The following CLCA1 variants were observed in gnomAD, a reference collection of about 807,000 sequenced individuals.
The protein encoded by CLCA1 is calcium-activated chloride channel regulator 1.
Under a neutral mutation model 85.6 loss-of-function variants are expected in CLCA1, and 59 were observed. The observed-to-expected ratio is 0.69, with a 90% CI of 0.56 to 0.86. The LOEUF (loss-of-function observed/expected upper bound fraction) is 0.86. Ranked by LOEUF, CLCA1 falls within the 40% of genes least tolerant of loss-of-function variation. CLCA1 has a pLI of 0.00. For synonymous variants in CLCA1, 396 were observed against 398.3 expected (o/e 0.99, Z 0.07); for missense variants, 1,022 against 1,101.4 (o/e 0.93, Z 1.02).
Position 86,500,051 on chromosome 1 carries a change from A to G in CLCA1, c.*6A>G. 6.5e-7 allele frequency: 1 copy of G among 1,550,004 alleles called. No individual in the cohort carries two copies. The highest frequency in any genetic ancestry group is 2.3e-5 in the East Asian group (1 of 44,242). On this transcript the variant is annotated 3_prime_UTR_variant, in exon 14 of 14. Coordinates refer to ENST00000394711, the MANE Select transcript of CLCA1 (RefSeq NM_001285.4). Reference sequence around the variant, plus strand: ...TGCAGCTGTCAATAGCCTAGGGCTGAATTTTTGTCAGATAAATAAAATAAA... The same window carrying G: ...TGCAGCTGTCAATAGCCTAGGGCTGGATTTTTGTCAGATAAATAAAATAAA...
At chr1:86,480,862 G>T (rs1315112377) in intron 4 of CLCA1, among the ~76,000 whole-genome samples, 1 of 152,082 alleles carries the variant, frequency 6.6e-6, no homozygotes, top group African/African-American at 2.4e-5. Flanking sequence ...TTGATCCTGT[G>T]ATTTCATGTT....
chr1:86,469,180 T>C (rs189550563), intron 1 of CLCA1, 47 bp downstream of exon 1: 20 of 1,427,590 alleles, frequency 1.4e-5, no homozygotes, highest in Admixed American at 5.7e-5. Context: ...TAGCATAATG[T>C]TGTGATAGAG....
intron 13 of CLCA1, 106 bp downstream of exon 13, chr1:86,498,917 G>A (rs1178434598): frequency 8.6e-6 from 11 of 1,272,068 alleles, no homozygotes; most frequent in Non-Finnish European, 1.2e-5. Flanking sequence ...GGGGCAGAAG[G>A]CAGGAGGGAT....
intron 12 of CLCA1, among the ~76,000 whole-genome samples, chr1:86,496,741 A>AT (rs961072114): frequency 2.9e-4 from 43 of 147,516 alleles, no homozygotes; most frequent in East Asian, 5.9e-4. Flanking sequence ...ATACCACTGC[A>AT]TTTTTTTTTT....
intron 4 of CLCA1, among the ~76,000 whole-genome samples, chr1:86,480,990 G>C (rs1307912450): frequency 6.6e-6 from 1 of 152,098 alleles, no homozygotes; most frequent in African/African-American, 2.4e-5. Context: ...TGGAAATACA[G>C]TCAAAATTGG....
chr1:86,482,360 T>C lies in CLCA1; in HGVS notation c.713T>C (p.Met238Thr), dbSNP rs776315129. The change falls in exon 5 of 14, where the codon ATG (methionine) becomes ACG (threonine). Residue 238 changes from methionine to threonine, a missense_variant. Physicochemically the swap from Met to Thr is moderately conservative, Grantham distance 81 (BLOSUM62 -1). Transcript: ENST00000394711. ...QSRQTEKASI[M>T]FAQHVDSIVE... ...CGCCAGACGGAGAAGGCTTCTATAA[T>C]GTTTGCACAACATGTTGATTCTGTA... 3 of 1,614,066 alleles carry C rather than the reference T, an allele frequency of 1.9e-6. No individual in the cohort carries two copies. Among genetic ancestry groups the C allele is most frequent in the South Asian group, 2.2e-5 (2 of 91,038 alleles).
rs1338567967 is a variant in CLCA1 at position 86,500,259 on chromosome 1, A to G, written c.*214A>G. 4.6e-6 allele frequency: 2 copies of G among 432,648 alleles called. No individual in the cohort carries two copies. The highest frequency in any genetic ancestry group is 8.2e-6 in the Non-Finnish European group (2 of 243,848). 26.8% of individuals were successfully genotyped at this position (432,648 alleles called of 1,614,324 possible). ...AAAATAAAATGCTAAACAACTGGGT[A>G]TACATGCATAAAAACTATCCATTCA... On this transcript the variant is annotated 3_prime_UTR_variant, in exon 14 of 14. Transcript: ENST00000394711.
Position 86,485,347 on chromosome 1 carries a change from T to G in CLCA1, c.740T>G (p.Val247Gly), listed in dbSNP as rs1647933334. 3 of 1,610,862 alleles carry G rather than the reference T, an allele frequency of 1.9e-6. No individual in the cohort carries two copies. In the East Asian group the frequency reaches 6.7e-5, roughly 36 times the overall value. ...TAATTTCATTGACAATTTCAGATAG[T>G]TGAATTCTGTACAGAACAAAACCAC... ...IMFAQHVDSI[V>G]EFCTEQNHNK... Residue 247 changes from valine (V) to glycine (G), a missense_variant, in exon 6 of 14, where the codon GTT becomes GGT. Transcript: ENST00000394711.
rs765400348 is a variant in CLCA1 at position 86,495,628 on chromosome 1, T to C, written c.2066T>C (p.Ile689Thr). ...GGVNAARRRVIPQQSGALYIP... is the reference protein window; with the variant it reads ...GGVNAARRRVTPQQSGALYIP... Reference sequence around the variant, plus strand: ...GTTAACGCAGCCAGACGGAGAGTGATACCCCAGCAGAGTGGAGCACTGTAC... The same window carrying C: ...GTTAACGCAGCCAGACGGAGAGTGACACCCCAGCAGAGTGGAGCACTGTAC... Residue 689 changes from isoleucine to threonine, a missense_variant, in exon 12 of 14, where the codon ATA becomes ACA. Transcript: ENST00000394711. 18 of 1,614,136 alleles carry C rather than the reference T, an allele frequency of 1.1e-5. No homozygotes were observed. The highest frequency in any genetic ancestry group is 1.2e-5 in the Non-Finnish European group (14 of 1,180,000).
intron 10 of CLCA1, 75 bp downstream of exon 10, chr1:86,493,674 T>C: frequency 8.5e-7 from 1 of 1,177,972 alleles, no homozygotes; most frequent in South Asian, 1.4e-5. Context: ...ATTGTAGCAT[T>C]TTAAATGTTG....
In CLCA1 at chr1:86,489,002, A is replaced by C; in HGVS notation, c.1189A>C (p.Arg397=). The C allele has an allele frequency of 6.2e-7, 1 of 1,613,732 alleles. No homozygotes were observed. The highest frequency in any genetic ancestry group is 8.5e-7 in the Non-Finnish European group (1 of 1,179,716). Residue 397 remains arginine, a synonymous_variant, in exon 8 of 14, where the codon AGG becomes CGG. Coordinates refer to ENST00000394711, the MANE Select transcript of CLCA1 (RefSeq NM_001285.4). ...CCCTAAATTCTGTCCTTAGGTGATT[A>C]GGAAGAAATATCCAACTGATGGATC... The part of the protein sequence containing the change: ...SGLRSAFTVI[R]KKYPTDGSEI...
intron 1 of CLCA1, among the ~76,000 whole-genome samples, chr1:86,472,999 G>A (rs183876635): frequency 2.6e-5 from 4 of 152,302 alleles, no homozygotes; most frequent in Middle Eastern, 3.4e-3. Context: ...GAAACGCATA[G>A]CTAATATTTT....
chr1:86,473,363 ATAATT>A, intron 1 of CLCA1, 49 bp from the exon 2 acceptor site: 1 of 1,243,074 alleles, frequency 8.0e-7, no homozygotes, highest in Non-Finnish European at 1.1e-6. Context: ...TGAATGACTG[ATAATT>A]TAATTTATTT....
intron 13 of CLCA1, 119 bp from the exon 14 acceptor site, chr1:86,499,535 T>C: frequency 1.6e-6 from 1 of 642,078 alleles, no homozygotes; most frequent in Middle Eastern, 4.3e-4. Context: ...CCTTATGGGG[T>C]GATGATATAA....
Position 86,489,018 on chromosome 1 carries a change from C to A in CLCA1, c.1205C>A (p.Thr402Asn), listed in dbSNP as rs1553188049. Residue 402 changes from threonine to asparagine, a missense_variant, in exon 8 of 14, where the codon ACT (threonine) becomes AAT (asparagine). Transcript: ENST00000394711. ...AFTVIRKKYPTDGSEIVLLTD... is the reference protein window; with the variant it reads ...AFTVIRKKYPNDGSEIVLLTD... Reference sequence around the variant, plus strand: ...TAGGTGATTAGGAAGAAATATCCAACTGATGGATCTGAAATTGTGCTGCTG... The same window carrying A: ...TAGGTGATTAGGAAGAAATATCCAAATGATGGATCTGAAATTGTGCTGCTG... 7 of 1,613,888 alleles carry A rather than the reference C, an allele frequency of 4.3e-6. No homozygotes were observed. The highest frequency in any genetic ancestry group is 5.1e-6 in the Non-Finnish European group (6 of 1,179,932).
intron 4 of CLCA1, 40 bp downstream of exon 4, chr1:86,476,593 A>T (rs1647643765): frequency 1.0e-6 from 1 of 992,914 alleles, no homozygotes; most frequent in African/African-American, 1.6e-5. Flanking sequence ...AACTATTTTA[A>T]ATTGCAACCT....
At chr1:86,495,322 C>T (rs1326402247) in intron 11 of CLCA1, among the ~76,000 whole-genome samples, 183 bp from the exon 12 acceptor site, 4 of 152,202 alleles carry the variant, frequency 2.6e-5, no homozygotes, top group Non-Finnish European at 4.4e-5. Flanking sequence ...AGAATGTATA[C>T]ATAAAACCAC....
chr1:86,495,318 T>C (rs1648248098), intron 11 of CLCA1, among the ~76,000 whole-genome samples, 187 bp from the exon 12 acceptor site: 1 of 152,188 alleles, frequency 6.6e-6, no homozygotes, highest in Non-Finnish European at 1.5e-5. Flanking sequence ...AGACAGAATG[T>C]ATACATAAAA....
Position 86,482,380 on chromosome 1 carries a change from T to C in CLCA1, c.733T>C (p.Ser245Pro), listed in dbSNP as rs752751502. Reference protein sequence around the residue: ...ASIMFAQHVDSIVEFCTEQNH... With the variant: ...ASIMFAQHVDPIVEFCTEQNH... ...TATAATGTTTGCACAACATGTTGAT[T>C]CTGTAAGTACCTTGTTCTCACCCCC... is the stretch of plus-strand genomic sequence containing the variant. Residue 245 changes from serine (S) to proline (P), a missense_variant and splice_region_variant, in exon 5 of 14, where the codon TCT (serine) becomes CCT (proline). Coordinates refer to ENST00000394711, the MANE Select transcript of CLCA1 (RefSeq NM_001285.4). 5 of 1,613,048 alleles carry C rather than the reference T, an allele frequency of 3.1e-6. No individual in the cohort carries two copies. The highest frequency in any genetic ancestry group is 3.4e-6 in the Non-Finnish European group (4 of 1,179,554).
Sources: allele counts gnomAD v4.1 joint callset (sites outside exome capture counted in the v4.1 genomes callset), GRCh38; gene constraint gnomAD v4.1.1; transcripts MANE v1.5; gene names NCBI Gene and HGNC (gene_info 2026-07-23, HGNC 2026-07-21).